The following SLC9A4 variants were observed in gnomAD, a reference collection of about 807,000 sequenced individuals.
SLC9A4 encodes sodium/hydrogen exchanger 4.
SLC9A4 carries 63 observed loss-of-function variants against 67.4 expected under a neutral mutation model. The observed-to-expected ratio is 0.93, with a 90% CI of 0.76 to 1.15. SLC9A4 has a LOEUF of 1.15. Ranked by LOEUF, SLC9A4 falls within the 50% of genes most tolerant of loss-of-function variation. The pLI, the probability that SLC9A4 is intolerant of heterozygous loss-of-function variation, is 0.00. For synonymous variants in SLC9A4, 393 were observed against 367.2 expected (o/e 1.07, Z -0.80); for missense variants, 1,089 against 987.7 (o/e 1.10, Z -1.38).
chr2:102,516,184 G>T (rs1685273342), intron 8 of SLC9A4, among the ~76,000 whole-genome samples: 1 of 152,036 alleles, frequency 6.6e-6, no homozygotes, highest in East Asian at 1.9e-4. Context: ...TTGGAGTGGG[G>T]GCCTGCCGGT....
chr2:102,518,880 A>C (rs1431118347), intron 8 of SLC9A4, among the ~76,000 whole-genome samples: 1 of 152,160 alleles, frequency 6.6e-6, no homozygotes, highest in East Asian at 1.9e-4. Context: ...ACAAACAAAC[A>C]AACCCATTAA....
At chr2:102,503,754 T>TTAG in intron 3 of SLC9A4, 47 bp downstream of exon 3, 4 of 1,595,396 alleles carry the variant, frequency 2.5e-6, no homozygotes, top group Non-Finnish European at 3.4e-6. Context: ...GAAAGAAAGT[T>TTAG]TAGAACCACA....
Position 102,505,311 on chromosome 2 carries a change from A to G in SLC9A4, c.1038A>G (p.Thr346=), listed in dbSNP as rs767157980. The change falls in exon 4 of 12, where the codon ACA becomes ACG. Residue 346 remains threonine (T), a synonymous_variant. Transcript: ENST00000295269. ...ACGTGGAAGAAAACGTGTCCCAGAC[A>G]TCATACACGACCATCAAGTACTTCA... ...KKYVEENVSQ[T]SYTTIKYFMK... 1 of 1,614,248 alleles carries G rather than the reference A, an allele frequency of 6.2e-7. No homozygotes were observed. The highest frequency in any genetic ancestry group is 1.1e-5 in the South Asian group (1 of 91,086).
chr2:102,497,497 C>T (rs1033685654), intron 2 of SLC9A4, among the ~76,000 whole-genome samples: 2 of 152,098 alleles, frequency 1.3e-5, no homozygotes, highest in Non-Finnish European at 2.9e-5. Context: ...GAATACTACT[C>T]AGGTATAAAA....
chr2:102,491,744 C>A (rs1398196344), intron 2 of SLC9A4, among the ~76,000 whole-genome samples: 2 of 152,130 alleles, frequency 1.3e-5, no homozygotes, highest in Admixed American at 1.3e-4. Flanking sequence ...ATTTCAAAAC[C>A]AATCATGCCT....
chr2:102,503,850 A>G (rs1684995388), intron 3 of SLC9A4, 143 bp downstream of exon 3: 9 of 1,180,820 alleles, frequency 7.6e-6, no homozygotes, highest in East Asian at 5.0e-5. Flanking sequence ...CTAAACTTTT[A>G]TGAAACCTGA....
chr2:102,483,754 A>G (rs1684517532), intron 2 of SLC9A4, among the ~76,000 whole-genome samples: 1 of 149,826 alleles, frequency 6.7e-6, no homozygotes, highest in East Asian at 2.0e-4. Flanking sequence ...GAGAAGATGG[A>G]TACAAAAATT....
intron 10 of SLC9A4, among the ~76,000 whole-genome samples, chr2:102,525,396 C>A (rs998540275): frequency 6.6e-6 from 1 of 151,868 alleles, no homozygotes; most frequent in African/African-American, 2.4e-5. Flanking sequence ...GGGTCAGGGA[C>A]TGCCACACAC....
intron 6 of SLC9A4, among the ~76,000 whole-genome samples, chr2:102,509,339 T>A (rs1235829785): frequency 6.6e-6 from 1 of 152,208 alleles, no homozygotes; most frequent in East Asian, 1.9e-4. Context: ...TGAAGGAGCT[T>A]TATGATCCCA....
At position 102,533,673 on chromosome 2, in the gene SLC9A4, G is replaced by A; in HGVS notation, c.*985G>A. ...CCCACCCCACAACAGTCCCCAGAGT[G>A]TGATGTTCCCCTTCCTGTGTCCATG... On this transcript the variant is annotated 3_prime_UTR_variant, in exon 12 of 12. Transcript: ENST00000295269. The A allele has an allele frequency of 8.0e-6, 1 of 124,416 alleles. No homozygotes were observed. The allele number at this position is 124,416 out of a possible 1,614,324, so 7.7% of individuals were successfully genotyped here. A position where few individuals can be genotyped will look rare whatever the true frequency, so the allele number is the denominator to read the frequency against.
chr2:102,532,240 T>TCGCCGTA, intron 11 of SLC9A4, 90 bp from the exon 12 acceptor site: 1 of 1,392,526 alleles, frequency 7.2e-7, no homozygotes, highest in South Asian at 1.4e-5. Flanking sequence ...AGAGCTTTGC[T>TCGCCGTA]TCACTCTGAG....
chr2:102,501,206 C>T (rs1244301129), intron 2 of SLC9A4, among the ~76,000 whole-genome samples: 1 of 152,000 alleles, frequency 6.6e-6, no homozygotes, highest in Non-Finnish European at 1.5e-5. Context: ...ACTGCAACCT[C>T]CACTTCCCGG....
In SLC9A4 at chr2:102,525,015, T is replaced by C; in HGVS notation, c.1819-9T>C. On this transcript the variant is annotated splice_polypyrimidine_tract_variant and intron_variant, in intron 9 of 11. Transcript: ENST00000295269. ...TCCTTACGTATTTGACATTCCATTTTCTCTGCAGACCCTGTCCTACAACAA... is the reference window on the plus strand; with the variant it reads ...TCCTTACGTATTTGACATTCCATTTCCTCTGCAGACCCTGTCCTACAACAA... The C allele has an allele frequency of 1.9e-6, 3 of 1,613,824 alleles. No individual in the cohort carries two copies. The highest frequency in any genetic ancestry group is 2.5e-6 in the Non-Finnish European group (3 of 1,179,812).
chr2:102,483,463 G>T (rs1684509788), intron 2 of SLC9A4, among the ~76,000 whole-genome samples: 1 of 152,150 alleles, frequency 6.6e-6, no homozygotes, highest in Non-Finnish European at 1.5e-5. Context: ...CCAGAAGGTG[G>T]CCTGTGATTG....
chr2:102,521,674 C>T (rs1221047142), intron 9 of SLC9A4, among the ~76,000 whole-genome samples: 1 of 152,212 alleles, frequency 6.6e-6, no homozygotes, highest in Non-Finnish European at 1.5e-5. Flanking sequence ...GAAAATGCAA[C>T]TCAGGACAAT....
chr2:102,494,622 G>A (rs76888977), intron 2 of SLC9A4, among the ~76,000 whole-genome samples: 2,116 of 152,068 alleles, frequency 0.014, 46 homozygotes, highest in African/African-American at 0.049. Context: ...GCATAAATAA[G>A]GTGAAAGTAA....
At chr2:102,497,001 C>T (rs1684824172) in intron 2 of SLC9A4, among the ~76,000 whole-genome samples, 1 of 152,202 alleles carries the variant, frequency 6.6e-6, no homozygotes, top group Non-Finnish European at 1.5e-5. Flanking sequence ...CTCTGCTCAC[C>T]TGCTCACTGC....
chr2:102,483,841 T>TATATATATATATAC (rs370126753), intron 2 of SLC9A4, among the ~76,000 whole-genome samples: 1 of 126,782 alleles, frequency 7.9e-6, no homozygotes, highest in African/African-American at 3.1e-5. Flanking sequence ...TATATATATA[T>TATATATATATATAC]ACACACACAC....
chr2:102,476,602 G>C (rs1054050050), intron 1 of SLC9A4, among the ~76,000 whole-genome samples: 1 of 152,112 alleles, frequency 6.6e-6, no homozygotes, highest in Non-Finnish European at 1.5e-5. Context: ...ATCACACTAT[G>C]GGCTCTTCCA....
Sources: allele counts gnomAD v4.1 joint callset (sites outside exome capture counted in the v4.1 genomes callset), GRCh38; gene constraint gnomAD v4.1.1; transcripts MANE v1.5; gene names NCBI Gene and HGNC (gene_info 2026-07-23, HGNC 2026-07-21).